FHIT: variants seen among roughly 807,000 people sequenced by gnomAD.
FHIT encodes fragile histidine triad diadenosine triphosphatase, also known as bis(5'-adenosyl)-triphosphatase.
In FHIT, 19 loss-of-function variants were observed where a neutral mutation model predicts 17.9. The observed-to-expected ratio is 1.06, with a 90% CI of 0.74 to 1.56. The LOEUF is 1.56. Ranked by LOEUF, FHIT falls within the 40% of genes most tolerant of loss-of-function variation. The pLI is 0.00. For synonymous variants in FHIT, 81 were observed against 69.7 expected (o/e 1.16, Z -0.81); for missense variants, 248 against 189.2 (o/e 1.31, Z -1.82).
chr3:59,838,782 T>A (rs528211407), intron 8 of FHIT, among the ~76,000 whole-genome samples: 5 of 152,272 alleles, frequency 3.3e-5, no homozygotes, highest in African/African-American at 1.2e-4. Context: ...TTGTACACAT[T>A]CAGATTTTTT....
intron 5 of FHIT, among the ~76,000 whole-genome samples, chr3:60,222,894 C>A (rs561761624): frequency 6.6e-6 from 1 of 152,182 alleles, no homozygotes; most frequent in East Asian, 1.9e-4. Context: ...GAGCGAGACT[C>A]CATCTCAAAA....
chr3:60,674,091 T>TTTCTA (rs1419221881), intron 4 of FHIT, among the ~76,000 whole-genome samples: 10 of 152,166 alleles, frequency 6.6e-5, no homozygotes, highest in Admixed American at 5.9e-4. Context: ...TCATATATTT[T>TTTCTA]TTCTATTTTT....
intron 7 of FHIT, among the ~76,000 whole-genome samples, chr3:59,974,283 T>C (rs1488815252): frequency 2.0e-5 from 3 of 152,168 alleles, no homozygotes. Context: ...ATTCTGTGCA[T>C]AGTTTTGCCT....
intron 2 of FHIT, among the ~76,000 whole-genome samples, chr3:61,126,367 T>C (rs1270151732): frequency 6.6e-6 from 1 of 152,186 alleles, no homozygotes; most frequent in Non-Finnish European, 1.5e-5. Flanking sequence ...CTGGGTAATT[T>C]ATAAAGAAAA....
chr3:60,781,581 T>C (rs1043171861), intron 4 of FHIT, among the ~76,000 whole-genome samples: 5 of 152,198 alleles, frequency 3.3e-5, no homozygotes, highest in Admixed American at 2.0e-4. Context: ...GATACATTTA[T>C]AGTCACTTGA....
At chr3:60,537,064 C>A in intron 4 of FHIT, 85 bp from the exon 5 acceptor site, 1 of 1,088,286 alleles carries the variant, frequency 9.2e-7, no homozygotes, top group Non-Finnish European at 1.3e-6. Context: ...AATTCCATTA[C>A]TACAGATTCT....
intron 4 of FHIT, among the ~76,000 whole-genome samples, chr3:60,817,183 A>G (rs1701769714): frequency 6.6e-6 from 1 of 152,082 alleles, no homozygotes; most frequent in Non-Finnish European, 1.5e-5. Flanking sequence ...CTATAAAGTC[A>G]TATGGATTAC....
chr3:60,688,878 A>G (rs992097261), intron 4 of FHIT, among the ~76,000 whole-genome samples: 10 of 152,044 alleles, frequency 6.6e-5, no homozygotes, highest in Non-Finnish European at 1.3e-4. Context: ...TTTATATACT[A>G]TTGGCCCTCC....
At chr3:60,642,257 G>A (rs561178899) in intron 4 of FHIT, among the ~76,000 whole-genome samples, 1 of 152,142 alleles carries the variant, frequency 6.6e-6, no homozygotes, top group African/African-American at 2.4e-5. Flanking sequence ...AGGAAGGCGG[G>A]GGATGGAGAA....
intron 5 of FHIT, among the ~76,000 whole-genome samples, chr3:60,530,448 T>C (rs7426703): frequency 0.12 from 17,631 of 152,226 alleles, 1,220 homozygotes; most frequent in East Asian, 0.22. Flanking sequence ...ACCTACTTAA[T>C]TCCTTCAGCA....
chr3:61,057,843 C>G (rs1298430995), intron 2 of FHIT, among the ~76,000 whole-genome samples: 2 of 152,188 alleles, frequency 1.3e-5, no homozygotes, highest in East Asian at 1.9e-4. Context: ...CAACACAACA[C>G]TGTTCTATGC....
intron 5 of FHIT, among the ~76,000 whole-genome samples, chr3:60,313,536 T>C (rs1208633055): frequency 6.6e-6 from 1 of 152,180 alleles, no homozygotes; most frequent in Non-Finnish European, 1.5e-5. Context: ...CCTGTCACTT[T>C]ATACAAATAG....
chr3:60,747,167 G>T (rs554638213), intron 4 of FHIT, among the ~76,000 whole-genome samples: 1 of 151,020 alleles, frequency 6.6e-6, no homozygotes, highest in South Asian at 2.1e-4. Context: ...CTGTGTATGT[G>T]AGTATTCTCT....
chr3:59,978,259 G>A (rs747394420), intron 7 of FHIT, among the ~76,000 whole-genome samples: 2 of 152,062 alleles, frequency 1.3e-5, no homozygotes, highest in Non-Finnish European at 2.9e-5. Context: ...AAAGTTTGTG[G>A]TCTTGGCCAG....
Position 60,173,915 on chromosome 3 carries a change from A to T in FHIT, c.104-159763T>A, listed in dbSNP as rs1461344359. Among the ~76,000 whole-genome samples, 913 of 66,392 alleles carry T rather than the reference A, an allele frequency of 0.014. 79 individuals are homozygous for T. The East Asian group carries it at 0.15, about 11-fold the overall frequency. The allele number at this position is 66,392 out of a possible 152,430, so 43.6% of individuals were successfully genotyped here. On this transcript the variant is annotated intron_variant, in intron 5 of 9. Coordinates refer to ENST00000492590, the MANE Select transcript of FHIT (RefSeq NM_002012.4). ...TATATATATATATATATATATATAT[A>T]TGTTTTTTTTTTTTTTTGAGATCGA...
At chr3:61,192,604 G>C (rs569574792) in intron 2 of FHIT, among the ~76,000 whole-genome samples, 298 of 152,100 alleles carry the variant, frequency 2.0e-3, no homozygotes, top group Non-Finnish European at 2.4e-3. Context: ...TTGACTTTTT[G>C]ATTATTTGCA....
rs543526323 is a variant in FHIT at position 60,978,753 on chromosome 3, G to C, written c.-111+63294C>G. Among the ~76,000 whole-genome samples the C allele has an allele frequency of 1.6e-4, 25 of 152,278 alleles. No homozygotes were observed. In the South Asian group the frequency reaches 3.7e-3, roughly 23 times the overall value. ...GGTTCACATTCATTATGAAATGAAT[G>C]ACTAAAGAGCCTAAAGCACAACCGT... On this transcript the variant is annotated intron_variant, in intron 3 of 9. Transcript: ENST00000492590.
intron 8 of FHIT, among the ~76,000 whole-genome samples, chr3:59,907,773 T>C (rs1361757998): frequency 6.6e-6 from 1 of 152,228 alleles, no homozygotes; most frequent in Non-Finnish European, 1.5e-5. Flanking sequence ...CTTACAGCAC[T>C]GGAGGTCAGA....
chr3:60,463,297 G>A (rs2594237), intron 5 of FHIT, among the ~76,000 whole-genome samples: 2 of 152,140 alleles, frequency 1.3e-5, no homozygotes, highest in Non-Finnish European at 2.9e-5. Context: ...TGAAGAAATA[G>A]TTCACAAATC....
Sources: gnomAD v4.1 joint callset for allele counts (sites outside exome capture counted in the v4.1 genomes callset) on GRCh38, gnomAD v4.1.1 for gene constraint, MANE v1.5 for transcripts, NCBI Gene and HGNC (gene_info 2026-07-23, HGNC 2026-07-21) for gene names.